Variants in PPP4R2 observed in about 807,000 individuals in gnomAD.
PPP4R2 encodes the protein protein phosphatase 4 regulatory subunit 2.
Under a neutral mutation model 47.2 loss-of-function variants are expected in PPP4R2, and 13 were observed. The observed-to-expected ratio is 0.28, with a 90% CI of 0.18 to 0.44. The LOEUF is 0.44. Among genes scored for constraint, PPP4R2 ranks in the 20% least tolerant of loss-of-function variants. PPP4R2 has a pLI of 1.00. For missense variants in PPP4R2, 421 were observed against 491.2 expected (o/e 0.86, Z 1.35); for synonymous variants, 151 against 163.3 (o/e 0.92, Z 0.57).
intron 2 of PPP4R2, among the ~76,000 whole-genome samples, chr3:73,039,870 A>G (rs987050452): frequency 1.3e-5 from 2 of 152,322 alleles, no homozygotes; most frequent in East Asian, 3.9e-4. Context: ...CCTGGCCAAC[A>G]TGGCGAAACA....
At chr3:73,028,316 G>C (rs1470052829) in intron 2 of PPP4R2, among the ~76,000 whole-genome samples, 1 of 151,822 alleles carries the variant, frequency 6.6e-6, no homozygotes, top group Non-Finnish European at 1.5e-5. Flanking sequence ...GGGATTACAG[G>C]TGTGAGCCAC....
chr3:73,021,848 A>ATGTGTGTGTGTGTGTG (rs34010770), intron 2 of PPP4R2, among the ~76,000 whole-genome samples: 1 of 130,972 alleles, frequency 7.6e-6, no homozygotes, highest in African/African-American at 2.9e-5. Flanking sequence ...ACATTTCTAT[A>ATGTGTGTGTGTGTGTG]TGTGTGTGTG....
chr3:73,043,183 G>C (rs1180429520), intron 2 of PPP4R2, among the ~76,000 whole-genome samples: 1 of 152,032 alleles, frequency 6.6e-6, no homozygotes, highest in East Asian at 1.9e-4. Flanking sequence ...ACTTGCCCTG[G>C]TATGTTTAAG....
intron 2 of PPP4R2, among the ~76,000 whole-genome samples, chr3:73,004,159 G>A (rs1057221950): frequency 6.6e-6 from 1 of 151,242 alleles, no homozygotes; most frequent in African/African-American, 2.4e-5. Flanking sequence ...TGTATGTCTT[G>A]TATGTTGTCT....
At chr3:73,015,785 C>T in intron 2 of PPP4R2, 1 of 442,650 alleles carries the variant, frequency 2.3e-6, no homozygotes, top group Non-Finnish European at 4.5e-6. Flanking sequence ...CTACAGGCTC[C>T]CGCCACCATG....
Position 73,038,360 on chromosome 3 carries a change from A to AT in PPP4R2, c.117-8817dup, listed in dbSNP as rs967393964. Reference sequence around the variant, plus strand: ...TGGTATAGTAATAGATTCTAGGGACATTTTTTTTTCTTTTTGTTTTTTCTT... The same window carrying AT: ...TGGTATAGTAATAGATTCTAGGGACATTTTTTTTTTCTTTTTGTTTTTTCTT... On this transcript the variant is annotated intron_variant, in intron 2 of 8. Transcript: ENST00000356692. Among the ~76,000 whole-genome samples the AT allele has an allele frequency of 2.9e-4, 44 of 150,752 alleles. No individual in the cohort carries two copies. The South Asian group carries it at 4.6e-3, about 16-fold the overall frequency.
At chr3:72,999,509 A>G (rs937557135) in intron 2 of PPP4R2, among the ~76,000 whole-genome samples, 1 of 152,270 alleles carries the variant, frequency 6.6e-6, no homozygotes, top group Non-Finnish European at 1.5e-5. Flanking sequence ...TTTTTGATAT[A>G]CAAGATGATA....
chr3:73,003,965 G>T (rs1258163548), intron 2 of PPP4R2, among the ~76,000 whole-genome samples: 3 of 152,146 alleles, frequency 2.0e-5, no homozygotes, highest in Admixed American at 2.0e-4. Context: ...CTCCCAAAGT[G>T]CTGGGATTAC....
At chr3:73,051,513 G>T (rs1702612491) in intron 3 of PPP4R2, among the ~76,000 whole-genome samples, 1 of 151,950 alleles carries the variant, frequency 6.6e-6, no homozygotes, top group Admixed American at 6.6e-5. Flanking sequence ...AGTTTTTGTT[G>T]TTTTTGCTTT....
intron 5 of PPP4R2, 64 bp downstream of exon 5, chr3:73,061,124 ATATAT>A: frequency 2.8e-6 from 2 of 724,310 alleles, no homozygotes; most frequent in Non-Finnish European, 4.2e-6. Flanking sequence ...ATTGCTTCTA[ATATAT>A]TATTCTTAAA....
chr3:73,007,243 T>C (rs778310123), intron 2 of PPP4R2, among the ~76,000 whole-genome samples: 121 of 152,360 alleles, frequency 7.9e-4, no homozygotes, highest in Non-Finnish European at 8.8e-5. Flanking sequence ...CTCGTTGTTA[T>C]GTTGTTGATA....
chr3:73,057,748 C>G (rs1455747726), intron 3 of PPP4R2, among the ~76,000 whole-genome samples: 1 of 152,066 alleles, frequency 6.6e-6, no homozygotes, highest in Non-Finnish European at 1.5e-5. Flanking sequence ...AAATAAACAA[C>G]TATAATTTTG....
intron 2 of PPP4R2, among the ~76,000 whole-genome samples, chr3:73,026,926 G>T (rs1262112955): frequency 1.3e-5 from 2 of 152,090 alleles, no homozygotes; most frequent in East Asian, 3.9e-4. Flanking sequence ...TATTACCTGT[G>T]CAATTATGGG....
intron 2 of PPP4R2, among the ~76,000 whole-genome samples, chr3:73,045,683 C>A (rs926888084): frequency 1.2e-4 from 19 of 152,132 alleles, no homozygotes; most frequent in African/African-American, 4.6e-4. Flanking sequence ...TGCACCACCC[C>A]GCCTGGCTAA....
At chr3:73,005,826 C>CT in intron 2 of PPP4R2, among the ~76,000 whole-genome samples, 1 of 40,912 alleles carries the variant, frequency 2.4e-5, no homozygotes, top group Non-Finnish European at 5.4e-5. Context: ...GAGTGAAACT[C>CT]TGTCTGCAAA....
chr3:73,048,481 C>G (rs773151621), intron 3 of PPP4R2, among the ~76,000 whole-genome samples: 28 of 152,218 alleles, frequency 1.8e-4, no homozygotes, highest in Non-Finnish European at 3.2e-4. Context: ...GTCTCCAACT[C>G]CTGACCTTGT....
intron 2 of PPP4R2, among the ~76,000 whole-genome samples, chr3:73,034,660 G>C (rs1174535678): frequency 1.3e-5 from 2 of 151,992 alleles, no homozygotes; most frequent in Non-Finnish European, 2.9e-5. Flanking sequence ...AGCCTCCCAG[G>C]TAGCTAGGAT....
chr3:73,020,395 C>T (rs1398252808), intron 2 of PPP4R2, among the ~76,000 whole-genome samples: 3 of 152,032 alleles, frequency 2.0e-5, no homozygotes, highest in Non-Finnish European at 4.4e-5. Flanking sequence ...TGGTGGGTGG[C>T]TCACGCCTGT....
chr3:73,010,740 A>T (rs927286672), intron 2 of PPP4R2, among the ~76,000 whole-genome samples: 1 of 151,856 alleles, frequency 6.6e-6, no homozygotes, highest in African/African-American at 2.4e-5. Flanking sequence ...TTAGTACACC[A>T]TGTTGGCCAG....
Sources: gnomAD v4.1 joint callset for allele counts (sites outside exome capture counted in the v4.1 genomes callset) on GRCh38, gnomAD v4.1.1 for gene constraint, MANE v1.5 for transcripts, NCBI Gene and HGNC (gene_info 2026-07-23, HGNC 2026-07-21) for gene names.